Variants in KREMEN1 observed in about 807,000 individuals in gnomAD.
KREMEN1 encodes the protein kremen protein 1.
KREMEN1 carries 30 observed loss-of-function variants against 46.5 expected under a neutral mutation model. The observed-to-expected ratio is 0.65, with a 90% CI of 0.48 to 0.88. The LOEUF is 0.88. Among genes scored for constraint, KREMEN1 ranks in the 40% least tolerant of loss-of-function variants. The pLI is 0.00. For missense variants in KREMEN1, 533 were observed against 596.9 expected (o/e 0.89, Z 1.11); for synonymous variants, 214 against 230.6 (o/e 0.93, Z 0.65).
At chr22:29,166,133 C>T (rs1266193834) in intron 9 of KREMEN1, among the ~76,000 whole-genome samples, 1 of 152,128 alleles carries the variant, frequency 6.6e-6, no homozygotes, top group African/African-American at 2.4e-5. Flanking sequence ...CACCCACATG[C>T]ACGCCCACCA....
rs1277678147 is a variant in KREMEN1 at position 29,146,032 on chromosome 22, T to C, written c.*3920T>C. On this transcript the variant is annotated 3_prime_UTR_variant, in exon 9 of 9. Transcript: ENST00000400335. ...CACGCTTACTCTTCACAAGCACTTA[T>C]ACGCGGATGGCCTCCGAGACCCTGC... is the stretch of plus-strand genomic sequence containing the variant. The C allele has an allele frequency of 2.0e-6, 2 of 985,972 alleles. No homozygotes were observed. The highest frequency in any genetic ancestry group is 1.2e-4 in the Admixed American group (2 of 16,286). The allele number at this position is 985,972 out of a possible 1,614,324, so 61.1% of individuals were successfully genotyped here.
rs1267643039 is a variant in KREMEN1 at position 29,146,714 on chromosome 22, G to C, written c.*4602G>C. ...GTATACAATTTAATATATATTTTTAGGGTTTTGTTATTTAAGAAAATGGAA... is the reference window on the plus strand; with the variant it reads ...GTATACAATTTAATATATATTTTTACGGTTTTGTTATTTAAGAAAATGGAA... On this transcript the variant is annotated 3_prime_UTR_variant, in exon 9 of 9. Coordinates refer to ENST00000400335, the MANE Select transcript of KREMEN1 (RefSeq NM_001039570.3). 1.1e-6 allele frequency: 1 copy of C among 924,976 alleles called. No individual in the cohort carries two copies. Among genetic ancestry groups the C allele is most frequent in the African/African-American group, 1.8e-5 (1 of 55,866 alleles). 57.3% of individuals were successfully genotyped at this position (924,976 alleles called of 1,614,324 possible). A position where few individuals can be genotyped will look rare whatever the true frequency, so the allele number is the denominator to read the frequency against.
chr22:29,094,572 T>TACACACAC lies in KREMEN1; in HGVS notation c.260+188_260+195dup, dbSNP rs134658. ...TTTTAAAAATATTTCTTTCACACCT[T>TACACACAC]ACACACACACACACACACACACACA... On this transcript the variant is annotated intron_variant, in intron 2 of 8. Coordinates refer to ENST00000400335, the MANE Select transcript of KREMEN1 (RefSeq NM_001039570.3). The TACACACAC allele has an allele frequency of 3.9e-3, 991 of 255,748 alleles. 10 individuals are homozygous for TACACACAC. Among genetic ancestry groups the TACACACAC allele is most frequent in the African/African-American group, 0.016 (572 of 36,696 alleles). 15.8% of individuals were successfully genotyped at this position (255,748 alleles called of 1,614,324 possible).
chr22:29,084,262 C>T (rs1055630841), intron 1 of KREMEN1, among the ~76,000 whole-genome samples: 4 of 152,050 alleles, frequency 2.6e-5, no homozygotes, highest in Non-Finnish European at 4.4e-5. Context: ...GTTTTATCAG[C>T]GAAATCTTCG....
At chr22:29,133,751 T>A (rs1380545411) in intron 5 of KREMEN1, among the ~76,000 whole-genome samples, 1 of 152,208 alleles carries the variant, frequency 6.6e-6, no homozygotes. Context: ...CACCTTTTAC[T>A]GATTTTGGAA....
chr22:29,156,544 TGGAATGCTCTCCGCACA>T (rs132291), intron 9 of KREMEN1, among the ~76,000 whole-genome samples: 141,334 of 151,920 alleles, frequency 0.93, 65,816 homozygotes, highest in East Asian at 1. Flanking sequence ...TTCCAGGCCT[TGGAATGCTCTCCGCACA>T]GGAATGCTCT....
rs115663319 is a variant in KREMEN1 at position 29,127,776 on chromosome 22, A to G, written c.631+2360A>G. Among the ~76,000 whole-genome samples, 1,368 of 152,364 alleles carry G rather than the reference A, an allele frequency of 9.0e-3. 14 individuals carry two copies. The highest frequency in any genetic ancestry group is 0.031 in the African/African-American group (1,303 of 41,592). ...CTGAAAACATGTTTCCACAAAAAAC[A>G]TACATACCAATGTTCCTAGCAACAT... is the stretch of plus-strand genomic sequence containing the variant. On this transcript the variant is annotated intron_variant, in intron 5 of 8. Coordinates refer to ENST00000400335, the MANE Select transcript of KREMEN1 (RefSeq NM_001039570.3).
downstream of KREMEN1, chr22:29,146,927 G>A (rs2301446): frequency 0.023 from 8,516 of 369,700 alleles, 235 homozygotes; most frequent in East Asian, 0.11. Context: ...GCCAGTCCTC[G>A]CCTTTTGCTT....
chr22:29,100,140 G>T (rs2037952803), intron 3 of KREMEN1, among the ~76,000 whole-genome samples: 2 of 148,904 alleles, frequency 1.3e-5, no homozygotes, highest in Non-Finnish European at 3.0e-5. Context: ...CTCCCAGGCT[G>T]GAGTGCAGTG....
chr22:29,100,466 T>C (rs373144284), intron 3 of KREMEN1, among the ~76,000 whole-genome samples: 1 of 152,184 alleles, frequency 6.6e-6, no homozygotes, highest in Non-Finnish European at 1.5e-5. Flanking sequence ...ACTGATGTTG[T>C]AGCTGTCATG....
At chr22:29,124,009 G>A (rs1285460825) in intron 4 of KREMEN1, among the ~76,000 whole-genome samples, 1 of 152,038 alleles carries the variant, frequency 6.6e-6, no homozygotes, top group Non-Finnish European at 1.5e-5. Context: ...TCTGGAAAAA[G>A]TTTGGCACTT....
intron 5 of KREMEN1, among the ~76,000 whole-genome samples, chr22:29,128,882 T>C (rs1275142594): frequency 6.6e-6 from 1 of 152,240 alleles, no homozygotes; most frequent in Non-Finnish European, 1.5e-5. Context: ...ATCCCTTTTA[T>C]TAACAATAGT....
chr22:29,137,660 C>G lies in KREMEN1; in HGVS notation c.950C>G (p.Ala317Gly). Residue 317 changes from alanine (A) to glycine (G), a missense_variant, in exon 6 of 9, where the codon GCT becomes GGT. Transcript: ENST00000400335. ...SDRINQAQGF[A>G]VLYQAVKEEL... ...CGCATCAATCAGGCCCAGGGATTTGCTGTTTTATACCAAGGTAAGACATCT... is the reference window on the plus strand; with the variant it reads ...CGCATCAATCAGGCCCAGGGATTTGGTGTTTTATACCAAGGTAAGACATCT... 6.3e-7 allele frequency: 1 copy of G among 1,590,756 alleles called. No individual in the cohort carries two copies. Among genetic ancestry groups the G allele is most frequent in the East Asian group, 2.3e-5 (1 of 44,216 alleles).
intron 6 of KREMEN1, 99 bp downstream of exon 6, chr22:29,137,773 T>G: frequency 1.0e-6 from 1 of 967,906 alleles, no homozygotes; most frequent in Non-Finnish European, 1.5e-6. Context: ...CGGGGCAGAT[T>G]GGGCCTCAGG....
intron 5 of KREMEN1, among the ~76,000 whole-genome samples, chr22:29,133,803 T>C (rs2038609978): frequency 6.6e-6 from 1 of 152,212 alleles, no homozygotes. Context: ...TTCTGTTCCA[T>C]TCTTTTTTTC....
intron 5 of KREMEN1, among the ~76,000 whole-genome samples, chr22:29,133,304 T>A (rs1479623128): frequency 7.2e-6 from 1 of 139,362 alleles, no homozygotes; most frequent in Non-Finnish European, 1.5e-5. Context: ...GGTTTTCAAC[T>A]TTTTTTTTTT....
chr22:29,140,813 T>C (rs2038749447), intron 8 of KREMEN1, among the ~76,000 whole-genome samples: 1 of 152,252 alleles, frequency 6.6e-6, no homozygotes, highest in South Asian at 2.1e-4. Flanking sequence ...AAAAAACTTA[T>C]GGAAGCTTTA....
intron 8 of KREMEN1, 59 bp downstream of exon 8, chr22:29,140,425 T>A: frequency 8.1e-7 from 1 of 1,229,376 alleles, no homozygotes. Context: ...GTTCATTTTC[T>A]ATGATGCTTC....
At chr22:29,111,696 A>AG (rs398121778) in intron 3 of KREMEN1, 13 of 151,546 alleles carry the variant, frequency 8.6e-5, no homozygotes, top group African/African-American at 3.1e-4. Flanking sequence ...AAAAAAAAAA[A>AG]GGAGCTCTGC....
Sources: allele counts gnomAD v4.1 joint callset (sites outside exome capture counted in the v4.1 genomes callset), GRCh38; gene constraint gnomAD v4.1.1; transcripts MANE v1.5; gene names NCBI Gene and HGNC (gene_info 2026-07-23, HGNC 2026-07-21).